NF1: variants seen among roughly 807,000 people sequenced by gnomAD.
NF1 encodes the protein neurofibromin.
NF1 carries 122 observed loss-of-function variants against 325.7 expected under a neutral mutation model. The observed-to-expected ratio is 0.37, with a 90% CI of 0.32 to 0.44. The LOEUF (loss-of-function observed/expected upper bound fraction) is 0.44, where lower values mean the gene tolerates loss of function less well. NF1 is among the 20% of genes least tolerant of loss of function. The probability of loss-of-function intolerance (pLI) is 1.00; values close to 1 mark genes in which losing one functional copy is unlikely to be tolerated. For synonymous variants in NF1, 1,091 were observed against 1,186.0 expected (o/e 0.92, Z 1.65); for missense variants, 2,140 against 3,415.4 (o/e 0.63, Z 9.31).
At chr17:31,355,370 A>AT (rs1274652427) in intron 51 of NF1, among the ~76,000 whole-genome samples, 1 of 152,126 alleles carries the variant, frequency 6.6e-6, no homozygotes, top group Non-Finnish European at 1.5e-5. Flanking sequence ...TCATGGCTTC[A>AT]TCAGTGTACA....
At chr17:31,356,639 A>G in intron 52 of NF1, 57 bp downstream of exon 52, 1 of 1,602,964 alleles carries the variant, frequency 6.2e-7, no homozygotes, top group Non-Finnish European at 8.5e-7. Flanking sequence ...AGTACATGAA[A>G]GTCATGTTTA....
chr17:31,300,118 G>T (rs963234079), intron 36 of NF1, among the ~76,000 whole-genome samples: 21 of 152,010 alleles, frequency 1.4e-4, no homozygotes, highest in Non-Finnish European at 2.7e-4. Context: ...CTAATGCAAT[G>T]TGAAATAATT....
intron 1 of NF1, among the ~76,000 whole-genome samples, chr17:31,154,249 G>T (rs953189701): frequency 2.0e-5 from 3 of 151,766 alleles, no homozygotes; most frequent in Non-Finnish European, 2.9e-5. Flanking sequence ...TAGAGACAGG[G>T]TTTCACCATG....
intron 1 of NF1, among the ~76,000 whole-genome samples, chr17:31,147,172 A>G (rs1041244148): frequency 6.6e-5 from 10 of 152,366 alleles, no homozygotes; most frequent in African/African-American, 1.9e-4. Flanking sequence ...CAGTGTAACC[A>G]GTATCCAGAT....
At chr17:31,095,620 GCCTCCGAC>G (rs1911610888) in intron 1 of NF1, among the ~76,000 whole-genome samples, 1 of 152,156 alleles carries the variant, frequency 6.6e-6, no homozygotes, top group African/African-American at 2.4e-5. Flanking sequence ...TCCCTGACCA[GCCTCCGAC>G]CCTCCATCCC....
chr17:31,266,735 C>CA (rs2067796233), intron 36 of NF1, among the ~76,000 whole-genome samples: 7 of 95,442 alleles, frequency 7.3e-5, no homozygotes, highest in South Asian at 7.6e-4. Context: ...AACAAAGCTG[C>CA]GTTTTTTTTT....
At chr17:31,284,769 T>C (rs954981999) in intron 36 of NF1, among the ~76,000 whole-genome samples, 32 of 152,266 alleles carry the variant, frequency 2.1e-4, no homozygotes, top group African/African-American at 7.2e-4. Flanking sequence ...TCAGTTTAAG[T>C]GTATAATCCT....
intron 8 of NF1, among the ~76,000 whole-genome samples, chr17:31,192,779 ATGTT>A (rs1458227952): frequency 6.6e-6 from 1 of 152,166 alleles, no homozygotes; most frequent in Non-Finnish European, 1.5e-5. Flanking sequence ...TTGTCTCATA[ATGTT>A]ATGCCAGAGT....
chr17:31,115,632 G>C (rs916010520), intron 1 of NF1, among the ~76,000 whole-genome samples: 2 of 152,170 alleles, frequency 1.3e-5, no homozygotes, highest in Non-Finnish European at 2.9e-5. Flanking sequence ...AGCTGCTTCT[G>C]GGTGATGGAG....
chr17:31,225,388 G>A, intron 17 of NF1, 138 bp downstream of exon 17: 1 of 963,332 alleles, frequency 1.0e-6, no homozygotes, highest in Non-Finnish European at 1.6e-6. Flanking sequence ...ACTGCTCTTT[G>A]TGGAACTTTG....
At chr17:31,279,337 A>G (rs1000865809) in intron 36 of NF1, among the ~76,000 whole-genome samples, 1 of 152,210 alleles carries the variant, frequency 6.6e-6, no homozygotes, top group Non-Finnish European at 1.5e-5. Context: ...CCCTGAATGC[A>G]CCTGATGTTG....
chr17:31,300,883 G>A (rs1320786430), intron 36 of NF1, among the ~76,000 whole-genome samples: 1 of 152,032 alleles, frequency 6.6e-6, no homozygotes, highest in Non-Finnish European at 1.5e-5. Flanking sequence ...ATGCATCTCT[G>A]TAATTATGAG....
Position 31,170,520 on chromosome 17 carries a change from A to G in NF1, c.586+523A>G, listed in dbSNP as rs77385051. On this transcript the variant is annotated intron_variant, in intron 5 of 57. Transcript: ENST00000358273. ...GCATTACAAAGTCCCTTAACCTTCC[A>G]TTGCCGGTTTTGTCTCCTTGTAGAA... 2.8e-3 allele frequency among the ~76,000 whole-genome samples: 433 copies of G among 152,314 alleles called. 3 individuals carry two copies. The highest frequency in any genetic ancestry group is 1.0e-2 in the African/African-American group (415 of 41,566).
intron 36 of NF1, among the ~76,000 whole-genome samples, chr17:31,323,243 C>CA (rs1306965582): frequency 2.6e-5 from 4 of 151,636 alleles, no homozygotes; most frequent in African/African-American, 7.3e-5. Flanking sequence ...ACAAAAAATA[C>CA]AAAAAAACAA....
At chr17:31,172,962 G>T (rs2065956264) in intron 5 of NF1, among the ~76,000 whole-genome samples, 1 of 152,086 alleles carries the variant, frequency 6.6e-6, no homozygotes, top group South Asian at 2.1e-4. Context: ...GGTAGGGTAA[G>T]GATGGGGACC....
intron 1 of NF1, among the ~76,000 whole-genome samples, chr17:31,131,689 AGTT>A (rs1198105371): frequency 2.0e-5 from 3 of 152,210 alleles, no homozygotes; most frequent in Non-Finnish European, 2.9e-5. Flanking sequence ...TTAACAAATC[AGTT>A]GTTGGTGTAA....
chr17:31,193,640 A>T (rs2066385745), intron 8 of NF1, among the ~76,000 whole-genome samples: 1 of 152,168 alleles, frequency 6.6e-6, no homozygotes, highest in African/African-American at 2.4e-5. Flanking sequence ...TATCCAGAAT[A>T]TACAAGGAAC....
At chr17:31,134,350 TATG>T (rs1285991058) in intron 1 of NF1, among the ~76,000 whole-genome samples, 1 of 152,238 alleles carries the variant, frequency 6.6e-6, no homozygotes, top group Non-Finnish European at 1.5e-5. Context: ...TGTTTTCAAT[TATG>T]ATTTCTCCTT....
At chr17:31,244,021 G>A (rs1231802795) in intron 29 of NF1, among the ~76,000 whole-genome samples, 1 of 152,108 alleles carries the variant, frequency 6.6e-6, no homozygotes, top group Non-Finnish European at 1.5e-5. Context: ...GGGCTCTTTA[G>A]TCAGCAGGTG....
Sources: allele counts gnomAD v4.1 joint callset (sites outside exome capture counted in the v4.1 genomes callset), GRCh38; gene constraint gnomAD v4.1.1; transcripts MANE v1.5; gene names NCBI Gene and HGNC (gene_info 2026-07-23, HGNC 2026-07-21).